The following GMDS variants were observed in gnomAD, a reference collection of about 807,000 sequenced individuals.
GMDS encodes GDP-mannose 4,6 dehydratase.
Under a neutral mutation model 49.9 loss-of-function variants are expected in GMDS, and 20 were observed. That is an observed-to-expected ratio of 0.40 (90% CI 0.28 to 0.58). GMDS has a LOEUF of 0.58. Among genes scored for constraint, GMDS ranks in the 20% least tolerant of loss-of-function variants. The pLI is 0.42. For synonymous variants in GMDS, 177 were observed against 178.6 expected (o/e 0.99, Z 0.07); for missense variants, 362 against 481.4 (o/e 0.75, Z 2.32).
At chr6:2,060,812 G>A (rs902809865) in intron 4 of GMDS, among the ~76,000 whole-genome samples, 3 of 151,896 alleles carry the variant, frequency 2.0e-5, no homozygotes, top group African/African-American at 2.4e-5. Context: ...GGTGGATCAC[G>A]AGATCAAGAA....
chr6:2,097,517 T>C (rs1240422139), intron 4 of GMDS, among the ~76,000 whole-genome samples: 1 of 152,194 alleles, frequency 6.6e-6, no homozygotes, highest in Non-Finnish European at 1.5e-5. Flanking sequence ...ATTTTATTAG[T>C]AATAAATCCA....
At chr6:2,007,835 C>T (rs1328395878) in intron 4 of GMDS, among the ~76,000 whole-genome samples, 2 of 152,090 alleles carry the variant, frequency 1.3e-5, no homozygotes, top group African/African-American at 4.8e-5. Flanking sequence ...TGGTATATTT[C>T]AGGGGAAAAA....
chr6:2,063,124 C>A (rs922974686), intron 4 of GMDS, among the ~76,000 whole-genome samples: 4 of 152,184 alleles, frequency 2.6e-5, no homozygotes, highest in African/African-American at 9.7e-5. Context: ...CTCCCCCATG[C>A]ATGGCACAGT....
At chr6:1,902,614 T>G (rs974315208) in intron 7 of GMDS, among the ~76,000 whole-genome samples, 4 of 152,180 alleles carry the variant, frequency 2.6e-5, no homozygotes, top group Non-Finnish European at 5.9e-5. Context: ...AATTGATACT[T>G]CAACCACAAG....
chr6:1,802,221 T>C (rs188312853), intron 7 of GMDS, among the ~76,000 whole-genome samples: 1 of 152,340 alleles, frequency 6.6e-6, no homozygotes, highest in East Asian at 1.9e-4. Flanking sequence ...ACATTTCCCA[T>C]AAATTAATAC....
intron 7 of GMDS, among the ~76,000 whole-genome samples, chr6:1,892,121 T>C (rs1174213098): frequency 3.3e-5 from 5 of 152,156 alleles, no homozygotes; most frequent in Non-Finnish European, 5.9e-5. Flanking sequence ...ATAGTAGAGA[T>C]GTAAGTAGCA....
chr6:1,736,127 A>G (rs562603219), intron 8 of GMDS, among the ~76,000 whole-genome samples: 1 of 152,326 alleles, frequency 6.6e-6, no homozygotes, highest in Admixed American at 6.5e-5. Flanking sequence ...GGGTTGCCTC[A>G]GACCCACAGC....
At chr6:1,932,556 G>C (rs1201698002) in intron 6 of GMDS, among the ~76,000 whole-genome samples, 2 of 47,932 alleles carry the variant, frequency 4.2e-5, no homozygotes, top group Non-Finnish European at 4.1e-5. Context: ...TTTTTTTTTT[G>C]AGATGGAGTC....
At chr6:1,868,564 A>G (rs577734154) in intron 7 of GMDS, among the ~76,000 whole-genome samples, 44 of 152,326 alleles carry the variant, frequency 2.9e-4, no homozygotes, top group African/African-American at 9.4e-4. Context: ...AGGCGTGTCT[A>G]TATTTCTTAC....
intron 4 of GMDS, among the ~76,000 whole-genome samples, chr6:2,093,796 A>G (rs947069337): frequency 6.6e-6 from 1 of 152,126 alleles, no homozygotes; most frequent in Admixed American, 6.5e-5. Context: ...AAAAAGAAAA[A>G]AACATAGGTC....
intron 9 of GMDS, 22 bp from the exon 10 acceptor site, chr6:1,624,562 C>T (rs1192050915): frequency 2.5e-6 from 4 of 1,591,310 alleles, no homozygotes; most frequent in Middle Eastern, 1.7e-4. Context: ...GAGGGGGAGA[C>T]GAAGCAGGCG....
intron 7 of GMDS, among the ~76,000 whole-genome samples, chr6:1,925,763 C>T (rs1295311485): frequency 3.3e-5 from 5 of 152,196 alleles, no homozygotes; most frequent in African/African-American, 1.2e-4. Context: ...CTGGTGAGGG[C>T]TCCACCCCCA....
chr6:2,016,947 G>A (rs1418991828), intron 4 of GMDS, among the ~76,000 whole-genome samples: 1 of 151,850 alleles, frequency 6.6e-6, no homozygotes, highest in Non-Finnish European at 1.5e-5. Context: ...CTTATAGAAA[G>A]AGCAGAAAGA....
chr6:2,087,171 C>G (rs1773062589), intron 4 of GMDS, among the ~76,000 whole-genome samples: 1 of 152,138 alleles, frequency 6.6e-6, no homozygotes, highest in Non-Finnish European at 1.5e-5. Flanking sequence ...TTTGGGGATC[C>G]TCAGAAGTTC....
chr6:2,050,485 T>C (rs1177088906), intron 4 of GMDS, among the ~76,000 whole-genome samples: 1 of 152,204 alleles, frequency 6.6e-6, no homozygotes, highest in African/African-American at 2.4e-5. Context: ...CTGAAACTAT[T>C]CCAATGATTA....
chr6:2,000,013 T>TATATATATATATATATATATATATA (rs1561962167), intron 4 of GMDS, among the ~76,000 whole-genome samples: 1 of 10,202 alleles, frequency 9.8e-5, no homozygotes, highest in African/African-American at 2.5e-4. Flanking sequence ...TATATATTTT[T>TATATATATATATATATATATATATA]TATATATATA....
Position 2,082,801 on chromosome 6 carries a change from T to C in GMDS, c.345+32970A>G, listed in dbSNP as rs1039686072. Among the ~76,000 whole-genome samples the C allele has an allele frequency of 2.6e-5, 4 of 152,246 alleles. No individual in the cohort carries two copies. The East Asian group carries it at 7.7e-4, about 29-fold the overall frequency. On this transcript the variant is annotated intron_variant, in intron 4 of 10. Coordinates refer to ENST00000380815, the MANE Select transcript of GMDS (RefSeq NM_001500.4). ...ATGTTTTATAAAACATATTTCTTAC[T>C]GTGGGTTGCACTCATTTAAACAAAA...
At chr6:1,967,180 C>T (rs950078897) in intron 4 of GMDS, among the ~76,000 whole-genome samples, 16 of 152,284 alleles carry the variant, frequency 1.1e-4, no homozygotes, top group African/African-American at 3.9e-4. Flanking sequence ...CCTTATCCAC[C>T]CGTCTTTATC....
intron 1 of GMDS, among the ~76,000 whole-genome samples, chr6:2,135,821 C>T (rs915012175): frequency 2.0e-5 from 3 of 152,088 alleles, no homozygotes; most frequent in African/African-American, 7.2e-5. Flanking sequence ...GTTTTATGCA[C>T]ATGTTAATAA....
Sources: gnomAD v4.1 joint callset for allele counts (sites outside exome capture counted in the v4.1 genomes callset) on GRCh38, gnomAD v4.1.1 for gene constraint, MANE v1.5 for transcripts, NCBI Gene and HGNC (gene_info 2026-07-23, HGNC 2026-07-21) for gene names.